PCBP3: variants seen among roughly 807,000 people sequenced by gnomAD.
The protein encoded by PCBP3 is poly(rC) binding protein 3.
A neutral mutation model predicts 52.7 loss-of-function variants in PCBP3; 25 were observed. The observed-to-expected ratio is 0.47, with a 90% confidence interval of 0.35 to 0.66. The LOEUF is 0.66. Among genes scored for constraint, PCBP3 ranks in the 30% least tolerant of loss-of-function variants. PCBP3 has a pLI of 0.01. For synonymous variants in PCBP3, 162 were observed against 183.0 expected (o/e 0.89, Z 0.93); for missense variants, 391 against 490.3 (o/e 0.80, Z 1.91).
chr21:45,787,129 C>A lies in PCBP3; in HGVS notation c.-126+31677C>A, dbSNP rs770021992. Among the ~76,000 whole-genome samples, 10 of 152,374 alleles carry A rather than the reference C, an allele frequency of 6.6e-5. No individual in the cohort carries two copies. In the South Asian group the frequency reaches 1.0e-3, roughly 16 times the overall value. ...AATAAGCCTGAACGTTCTTGGAAATCATAAAATGCTTGAAAATAGTTTCGC... is the reference window on the plus strand; with the variant it reads ...AATAAGCCTGAACGTTCTTGGAAATAATAAAATGCTTGAAAATAGTTTCGC... On this transcript the variant is annotated intron_variant, in intron 4 of 17. Coordinates refer to ENST00000681687, the MANE Select transcript of PCBP3 (RefSeq NM_001384156.1).
Position 45,897,789 on chromosome 21 carries a change from C to T in PCBP3, c.165+1427C>T, listed in dbSNP as rs544176474. 4.5e-4 allele frequency among the ~76,000 whole-genome samples: 69 copies of T among 152,094 alleles called. No individual in the cohort carries two copies. In the East Asian group the frequency reaches 0.013, roughly 29 times the overall value. ...GTGGGTCCTGGGCTGCTGTGGGTCC[C>T]GAGCTGCTGTGGGTCCTGGGCTGCA... On this transcript the variant is annotated intron_variant, in intron 6 of 17. Transcript: ENST00000681687.
At chr21:45,701,264 A>C (rs1249155801) in intron 2 of PCBP3, among the ~76,000 whole-genome samples, 2 of 152,198 alleles carry the variant, frequency 1.3e-5, no homozygotes, top group Admixed American at 6.5e-5. Context: ...CAGTGTGAGG[A>C]AAGGGACAGG....
At chr21:45,839,920 C>G (rs1290259730) in intron 4 of PCBP3, among the ~76,000 whole-genome samples, 1 of 152,072 alleles carries the variant, frequency 6.6e-6, no homozygotes, top group Non-Finnish European at 1.5e-5. Flanking sequence ...CTCCTGACCT[C>G]AAGTGATCCA....
chr21:45,863,413 C>A (rs1013081819), intron 5 of PCBP3, among the ~76,000 whole-genome samples: 1 of 152,226 alleles, frequency 6.6e-6, no homozygotes, highest in African/African-American at 2.4e-5. Flanking sequence ...CCTTCCTATT[C>A]CAGGGGCTTA....
intron 4 of PCBP3, among the ~76,000 whole-genome samples, chr21:45,807,305 A>G (rs1439027550): frequency 1.3e-5 from 2 of 152,340 alleles, no homozygotes; most frequent in East Asian, 3.9e-4. Flanking sequence ...TCTCAGCCCA[A>G]AATCTCCTTA....
rs1358446089 is a variant in PCBP3 at position 45,711,954 on chromosome 21, T to A, written c.-199-23438T>A. Among the ~76,000 whole-genome samples, 4 of 152,214 alleles carry A rather than the reference T, an allele frequency of 2.6e-5. No homozygotes were observed. The East Asian group carries it at 7.7e-4, about 29-fold the overall frequency. On this transcript the variant is annotated intron_variant, in intron 2 of 17. Transcript: ENST00000681687. ...TTTATCTCTGCCCCTGAATCCCTGA[T>A]AATCACTGATCTGTCAACCATCTCT... is the stretch of plus-strand genomic sequence containing the variant.
intron 4 of PCBP3, among the ~76,000 whole-genome samples, chr21:45,841,398 C>T (rs1569296400): frequency 1.4e-5 from 1 of 70,772 alleles, no homozygotes; most frequent in Non-Finnish European, 3.1e-5. Flanking sequence ...ATTTCTTCTA[C>T]TTTTCATTTC....
rs764568706 is a variant in PCBP3, at chr21:45,917,529, G to A, written c.676-59G>A. On this transcript the variant is annotated intron_variant, in intron 12 of 17. Coordinates refer to ENST00000681687, the MANE Select transcript of PCBP3 (RefSeq NM_001384156.1). The surrounding 1 kb of genome is among the most constrained non-coding windows in gnomAD (Gnocchi z 5.3). The stretch of plus-strand genomic sequence containing the variant: ...CCTTGTCATGCTGGAGGGTGGCGGC[G>A]GGTGCTGAGCCGTGGTGCAGCCAGG... 8 of 1,380,586 alleles carry A rather than the reference G, an allele frequency of 5.8e-6. No homozygotes were observed. The highest frequency in any genetic ancestry group is 2.3e-5 in the East Asian group (1 of 43,652). The allele number at this position is 1,380,586 out of a possible 1,614,324, so 85.5% of individuals were successfully genotyped here. A position where few individuals can be genotyped will look rare whatever the true frequency, so the allele number is the denominator to read the frequency against.
At chr21:45,938,726 A>G (rs1370661997) in intron 16 of PCBP3, among the ~76,000 whole-genome samples, 1 of 152,170 alleles carries the variant, frequency 6.6e-6, no homozygotes, top group Non-Finnish European at 1.5e-5. Flanking sequence ...TGGATTCTCC[A>G]GAGTGGGGGT....
At chr21:45,926,916 G>A (rs1399114330) in intron 13 of PCBP3, among the ~76,000 whole-genome samples, 2 of 152,186 alleles carry the variant, frequency 1.3e-5, no homozygotes, top group African/African-American at 4.8e-5. Context: ...TGGGAGAGCG[G>A]GGAGAAGATC....
chr21:45,755,931 G>A (rs568830286), intron 4 of PCBP3, among the ~76,000 whole-genome samples: 86 of 151,898 alleles, frequency 5.7e-4, no homozygotes, highest in African/African-American at 1.8e-3. Context: ...GTTTAATCTC[G>A]GTAAAGTAAA....
intron 4 of PCBP3, among the ~76,000 whole-genome samples, chr21:45,790,567 G>A (rs1312993727): frequency 6.6e-6 from 1 of 152,166 alleles, no homozygotes; most frequent in African/African-American, 2.4e-5. Context: ...GAGAGAAGAG[G>A]AGCAAGGACC....
At chr21:45,797,036 T>C (rs1161156919) in intron 4 of PCBP3, among the ~76,000 whole-genome samples, 1 of 152,260 alleles carries the variant, frequency 6.6e-6, no homozygotes, top group East Asian at 1.9e-4. Flanking sequence ...GGCTCAGTGC[T>C]CATGTTCTGA....
intron 4 of PCBP3, among the ~76,000 whole-genome samples, chr21:45,804,868 G>A (rs2092439143): frequency 6.6e-6 from 1 of 152,180 alleles, no homozygotes; most frequent in South Asian, 2.1e-4. Flanking sequence ...GGCAGCACAG[G>A]AAGGCCAGGC....
At chr21:45,804,851 C>T (rs113416058) in intron 4 of PCBP3, among the ~76,000 whole-genome samples, 1,865 of 152,222 alleles carry the variant, frequency 0.012, 58 homozygotes, top group African/African-American at 0.042. Context: ...GGATTGCCCC[C>T]GAGAGAGGCA....
intron 4 of PCBP3, among the ~76,000 whole-genome samples, chr21:45,768,431 T>C (rs2089562776): frequency 6.6e-6 from 1 of 152,252 alleles, no homozygotes; most frequent in African/African-American, 2.4e-5. Flanking sequence ...TTCTTGTTAC[T>C]GAGCATCAGA....
chr21:45,818,162 A>G (rs1192738722), intron 4 of PCBP3, among the ~76,000 whole-genome samples: 1 of 152,112 alleles, frequency 6.6e-6, no homozygotes, highest in Non-Finnish European at 1.5e-5. Context: ...AGCTGGGACT[A>G]CAGGTGCGTG....
chr21:45,890,761 G>A (rs1184256332), intron 5 of PCBP3, among the ~76,000 whole-genome samples: 1 of 150,418 alleles, frequency 6.6e-6, no homozygotes, highest in African/African-American at 2.5e-5. Context: ...GGAACTCTGT[G>A]CATTACTGAT....
At chr21:45,879,302 G>T (rs1027867625) in intron 5 of PCBP3, among the ~76,000 whole-genome samples, 1 of 152,078 alleles carries the variant, frequency 6.6e-6, no homozygotes, top group African/African-American at 2.4e-5. Context: ...TAGATTTAAA[G>T]AATAAAATGG....
Sources: gnomAD v4.1 joint callset for allele counts (sites outside exome capture counted in the v4.1 genomes callset) on GRCh38, gnomAD v4.1.1 for gene constraint, Gnocchi (gnomAD v3.1) non-coding constraint, MANE v1.5 for transcripts, NCBI Gene and HGNC (gene_info 2026-07-23, HGNC 2026-07-21) for gene names.